SLC4A4: variants seen among roughly 807,000 people sequenced by gnomAD.
SLC4A4 encodes the protein electrogenic sodium bicarbonate cotransporter 1.
In SLC4A4, 27 loss-of-function variants were observed where a neutral mutation model predicts 111.5. The ratio of observed to expected loss-of-function variants is 0.24; its 90% CI spans 0.18 to 0.33. The LOEUF (loss-of-function observed/expected upper bound fraction) is 0.33. Among genes scored for constraint, SLC4A4 ranks in the 10% least tolerant of loss-of-function variants. SLC4A4 has a pLI of 1.00. For missense variants in SLC4A4, 909 were observed against 1,315.5 expected (o/e 0.69, Z 4.78); for synonymous variants, 443 against 463.4 (o/e 0.96, Z 0.57).
chr4:71,109,411 A>C (rs898451016), intron 2 of SLC4A4, among the ~76,000 whole-genome samples: 1 of 148,104 alleles, frequency 6.8e-6, no homozygotes, highest in Non-Finnish European at 1.5e-5. Flanking sequence ...AGAGGCTTGC[A>C]ACAATGGAGG....
intron 22 of SLC4A4, among the ~76,000 whole-genome samples, chr4:71,558,407 A>G (rs1736660071): frequency 1.3e-5 from 2 of 151,936 alleles, no homozygotes; most frequent in Non-Finnish European, 2.9e-5. Context: ...GGTTTGCATA[A>G]TGGTAAGTTT....
chr4:71,132,621 A>G (rs1743737681), intron 2 of SLC4A4, among the ~76,000 whole-genome samples: 1 of 152,222 alleles, frequency 6.6e-6, no homozygotes, highest in Non-Finnish European at 1.5e-5. Context: ...AAAGCCTTGC[A>G]TATTATAATA....
chr4:71,502,112 C>T (rs576749490), intron 16 of SLC4A4, among the ~76,000 whole-genome samples: 1 of 152,280 alleles, frequency 6.6e-6, no homozygotes, highest in East Asian at 1.9e-4. Flanking sequence ...CAGGCGCTTG[C>T]CACCGCGCCC....
intron 2 of SLC4A4, among the ~76,000 whole-genome samples, chr4:71,099,580 A>G (rs546820179): frequency 2.0e-5 from 3 of 152,170 alleles, no homozygotes; most frequent in Non-Finnish European, 4.4e-5. Context: ...AAGACAAGAA[A>G]TAACCCAAAT....
chr4:71,221,883 A>G (rs1192183004), intron 1 of SLC4A4, among the ~76,000 whole-genome samples: 3 of 152,168 alleles, frequency 2.0e-5, no homozygotes, highest in Admixed American at 6.5e-5. Context: ...GGATCTGCAG[A>G]GGATTGGGTC....
chr4:71,414,853 T>C (rs1455119838), intron 7 of SLC4A4, among the ~76,000 whole-genome samples: 2 of 152,196 alleles, frequency 1.3e-5, no homozygotes, highest in Non-Finnish European at 2.9e-5. Context: ...AGACTATTAA[T>C]AGATACTGCT....
intron 16 of SLC4A4, among the ~76,000 whole-genome samples, chr4:71,522,761 TTAAA>T (rs1165382424): frequency 2.0e-5 from 3 of 152,166 alleles, no homozygotes; most frequent in Non-Finnish European, 4.4e-5. Flanking sequence ...TTATTGTCAT[TTAAA>T]TAAACAAAAT....
chr4:71,531,801 AC>A (rs1733947950), intron 16 of SLC4A4, among the ~76,000 whole-genome samples: 82 of 146,812 alleles, frequency 5.6e-4, no homozygotes, highest in African/African-American at 1.9e-3. Context: ...ACACACACAC[AC>A]ACAGAAAGAG....
intron 1 of SLC4A4, among the ~76,000 whole-genome samples, chr4:71,193,466 G>A (rs559969389): frequency 3.3e-5 from 5 of 152,238 alleles, no homozygotes; most frequent in South Asian, 2.1e-4. Flanking sequence ...GCCCATGTGG[G>A]AATTTCAGTT....
At chr4:71,131,653 G>T (rs1468726120) in intron 2 of SLC4A4, among the ~76,000 whole-genome samples, 1 of 152,190 alleles carries the variant, frequency 6.6e-6, no homozygotes, top group African/African-American at 2.4e-5. Context: ...TTAAACATTG[G>T]TAAATGCATT....
At chr4:71,279,382 C>T (rs1391429549) in intron 3 of SLC4A4, among the ~76,000 whole-genome samples, 1 of 152,118 alleles carries the variant, frequency 6.6e-6, no homozygotes, top group Non-Finnish European at 1.5e-5. Context: ...AACATAATAT[C>T]CTCCATGTTC....
rs150986804 is a variant in SLC4A4, at chr4:71,511,037, T to C, written c.2166+13345T>C. Among the ~76,000 whole-genome samples, 114 of 152,280 alleles carry C rather than the reference T, an allele frequency of 7.5e-4. 1 individual carries two copies. The South Asian group carries it at 0.011, about 15-fold the overall frequency. On this transcript the variant is annotated intron_variant, in intron 16 of 25. Coordinates refer to ENST00000264485, the MANE Select transcript of SLC4A4 (RefSeq NM_001098484.3). ...CCCAATAATTTTTTTATGTTTTGGA[T>C]TTTACAATGTATATCTTTTAATGTT...
intron 2 of SLC4A4, among the ~76,000 whole-genome samples, chr4:71,142,287 CAT>C (rs1156466405): frequency 1.3e-5 from 2 of 152,136 alleles, no homozygotes; most frequent in Non-Finnish European, 2.9e-5. Context: ...CTAACACAAA[CAT>C]ATTAAAACTA....
intron 2 of SLC4A4, among the ~76,000 whole-genome samples, chr4:71,140,077 T>TTTCTTGG (rs1743953786): frequency 6.6e-6 from 1 of 152,212 alleles, no homozygotes; most frequent in Admixed American, 6.5e-5. Flanking sequence ...CTAGTGAAGC[T>TTTCTTGG]ATTTTTAAAT....
chr4:71,242,132 C>T (rs986653916), intron 2 of SLC4A4, among the ~76,000 whole-genome samples: 3 of 152,158 alleles, frequency 2.0e-5, no homozygotes, highest in Admixed American at 6.5e-5. Flanking sequence ...AGTATAGTAT[C>T]GGCCAAAGCC....
chr4:71,488,533 A>T (rs182291890), intron 15 of SLC4A4, among the ~76,000 whole-genome samples: 1 of 151,868 alleles, frequency 6.6e-6, no homozygotes, highest in South Asian at 2.1e-4. Flanking sequence ...ATCATTGTAG[A>T]CCTTAATATG....
intron 3 of SLC4A4, among the ~76,000 whole-genome samples, chr4:71,301,703 G>A (rs747170269): frequency 3.9e-5 from 6 of 152,200 alleles, no homozygotes; most frequent in African/African-American, 7.2e-5. Context: ...GATTGCCAGC[G>A]CAGGTGCCCC....
At position 71,254,499 on chromosome 4, in the gene SLC4A4, T is replaced by C. The variant is rs575424676; in HGVS notation, c.74-721T>C. On this transcript the variant is annotated intron_variant, in intron 2 of 25. Coordinates refer to ENST00000264485, the MANE Select transcript of SLC4A4 (RefSeq NM_001098484.3). Reference sequence around the variant, plus strand: ...ACCAGTTTTTAGAAACTTTTGGAAATGAAAAAAGAAAAATGAGAATGGCAC... The same window carrying C: ...ACCAGTTTTTAGAAACTTTTGGAAACGAAAAAAGAAAAATGAGAATGGCAC... Among the ~76,000 whole-genome samples, 50 of 152,160 alleles carry C rather than the reference T, an allele frequency of 3.3e-4. 4 individuals carry two copies. The highest frequency in any genetic ancestry group is 2.1e-3 in the Admixed American group (32 of 15,276).
At chr4:71,544,726 G>A (rs1050547152) in intron 18 of SLC4A4, among the ~76,000 whole-genome samples, 1 of 152,036 alleles carries the variant, frequency 6.6e-6, no homozygotes, top group Non-Finnish European at 1.5e-5. Flanking sequence ...AAACCCTCCA[G>A]TGGTTTCCCA....
Sources: gnomAD v4.1 joint callset for allele counts (sites outside exome capture counted in the v4.1 genomes callset) on GRCh38, gnomAD v4.1.1 for gene constraint, MANE v1.5 for transcripts, NCBI Gene and HGNC (gene_info 2026-07-23, HGNC 2026-07-21) for gene names.